The following ARID2 variants were observed in gnomAD, a reference collection of about 807,000 sequenced individuals.
The protein encoded by ARID2 is AT-rich interactive domain-containing protein 2.
Under a neutral mutation model 184.6 loss-of-function variants are expected in ARID2, and 32 were observed. The observed-to-expected ratio is 0.17, with a 90% CI of 0.13 to 0.23. The LOEUF (loss-of-function observed/expected upper bound fraction) is 0.23. ARID2 is among the 10% of genes least tolerant of loss of function. ARID2 has a pLI of 1.00. For missense variants in ARID2, 1,696 were observed against 2,197.6 expected (o/e 0.77, Z 4.56); for synonymous variants, 836 against 772.6 (o/e 1.08, Z -1.36).
In ARID2 at chr12:45,906,017, A is replaced by G. The variant is rs1029405699; in HGVS notation, c.*939A>G. Reference sequence around the variant, plus strand: ...GCTGGCTGAAAGAGTATGGAATAATATATCTCATGTCATTTTTTAGAAGAA... The same window carrying G: ...GCTGGCTGAAAGAGTATGGAATAATGTATCTCATGTCATTTTTTAGAAGAA... On this transcript the variant is annotated 3_prime_UTR_variant, in exon 21 of 21. Transcript: ENST00000334344. 4.0e-5 allele frequency: 9 copies of G among 226,652 alleles called. No individual in the cohort carries two copies. The highest frequency in any genetic ancestry group is 2.1e-4 in the African/African-American group (9 of 43,262). The allele number at this position is 226,652 out of a possible 1,614,324, so 14.0% of individuals were successfully genotyped here.
rs188666955 is a variant in ARID2 at position 45,894,789 on chromosome 12, G to A, written c.5363+1068G>A. Among the ~76,000 whole-genome samples, 5 of 151,156 alleles carry A rather than the reference G, an allele frequency of 3.3e-5. No homozygotes were observed. The East Asian group carries it at 9.7e-4, about 29-fold the overall frequency. Reference sequence around the variant, plus strand: ...CATATGAGAATACCAGTATCTTCATGATTTAGTTCATAACATTTCTTTTTA... The same window carrying A: ...CATATGAGAATACCAGTATCTTCATAATTTAGTTCATAACATTTCTTTTTA... On this transcript the variant is annotated intron_variant, in intron 20 of 20. Coordinates refer to ENST00000334344, the MANE Select transcript of ARID2 (RefSeq NM_152641.4).
At chr12:45,812,119 T>G (rs1346452101) in intron 4 of ARID2, among the ~76,000 whole-genome samples, 1 of 151,910 alleles carries the variant, frequency 6.6e-6, no homozygotes, top group Non-Finnish European at 1.5e-5. Context: ...CAGTTTTCAG[T>G]GGCTCTGGAG....
chr12:45,842,218 A>G (rs948065059), intron 11 of ARID2: 2 of 150,052 alleles, frequency 1.3e-5, no homozygotes, highest in African/African-American at 5.0e-5. Context: ...CAGTAGAGCA[A>G]GAACCTGGTC....
rs1336039491 is a variant in ARID2, at chr12:45,893,513, A to G, written c.5241A>G (p.Gly1747=). ...CTGCACTTATGGCTCTGAGGAGAGG[A>G]TCAAGAAACCTTGTCTTTCGAGATT... ...PSAALMALRR[G]SRNLVFRDFT... is the part of the protein sequence containing the mutation. The change falls in exon 19 of 21, where the codon GGA becomes GGG. Residue 1747 remains glycine (G), a synonymous_variant. Coordinates refer to ENST00000334344, the MANE Select transcript of ARID2 (RefSeq NM_152641.4). 6.8e-6 allele frequency: 11 copies of G among 1,613,882 alleles called. No homozygotes were observed. The highest frequency in any genetic ancestry group is 9.3e-6 in the Non-Finnish European group (11 of 1,179,848).
At chr12:45,845,026 G>T (rs1184619237) in intron 11 of ARID2, among the ~76,000 whole-genome samples, 3 of 152,156 alleles carry the variant, frequency 2.0e-5, no homozygotes, top group Non-Finnish European at 2.9e-5. Context: ...CATTTAGAAT[G>T]TCTTCAGGTA....
chr12:45,758,371 C>G (rs535593793), intron 3 of ARID2, among the ~76,000 whole-genome samples: 6 of 151,352 alleles, frequency 4.0e-5, no homozygotes, highest in African/African-American at 1.5e-4. Flanking sequence ...TTTTTTTGTG[C>G]GATCGATTTT....
intron 3 of ARID2, among the ~76,000 whole-genome samples, chr12:45,765,825 C>T (rs1472254328): frequency 3.9e-5 from 6 of 152,100 alleles, no homozygotes; most frequent in Admixed American, 6.5e-5. Context: ...TCTTTTCTTG[C>T]CCCTTTTTAA....
At chr12:45,770,026 G>A (rs887523592) in intron 3 of ARID2, among the ~76,000 whole-genome samples, 1 of 152,068 alleles carries the variant, frequency 6.6e-6, no homozygotes, top group African/African-American at 2.4e-5. Context: ...AGGCTGAGAC[G>A]GGTAGATCAC....
intron 3 of ARID2, among the ~76,000 whole-genome samples, chr12:45,761,787 A>AT (rs896488950): frequency 3.3e-5 from 5 of 150,908 alleles, no homozygotes; most frequent in Non-Finnish European, 5.9e-5. Flanking sequence ...AAATTCTGTC[A>AT]TTTTTTCAAA....
chr12:45,802,027 G>A (rs555075631), intron 3 of ARID2, among the ~76,000 whole-genome samples: 76 of 152,182 alleles, frequency 5.0e-4, no homozygotes, highest in Admixed American at 4.6e-3. Context: ...TTCTGGCTCA[G>A]TGTAGATATA....
At chr12:45,836,387 T>G (rs947787007) in intron 6 of ARID2, among the ~76,000 whole-genome samples, 2 of 152,052 alleles carry the variant, frequency 1.3e-5, no homozygotes, top group Non-Finnish European at 2.9e-5. Context: ...TGTTTTAAAT[T>G]TTCTAGTTTG....
intron 16 of ARID2, among the ~76,000 whole-genome samples, chr12:45,891,458 G>A (rs772591973): frequency 2.6e-5 from 4 of 152,172 alleles, no homozygotes; most frequent in Non-Finnish European, 5.9e-5. Flanking sequence ...TGAACTGTTG[G>A]ATTGGATATG....
intron 3 of ARID2, among the ~76,000 whole-genome samples, chr12:45,767,579 A>G (rs1381457291): frequency 6.6e-6 from 1 of 152,202 alleles, no homozygotes; most frequent in Non-Finnish European, 1.5e-5. Flanking sequence ...CTGTAATCCC[A>G]GCTCCTTGGG....
rs894042760 is a variant in ARID2 at position 45,880,421 on chromosome 12, A to G, written c.4923-11359A>G. On this transcript the variant is annotated intron_variant, in intron 16 of 20. Transcript: ENST00000334344. Reference sequence around the variant, plus strand: ...TCTACCCAAGTGATGTTGAGGTTCAAATCACCAGGTTCCTACTGAACCTTA... The same window carrying G: ...TCTACCCAAGTGATGTTGAGGTTCAGATCACCAGGTTCCTACTGAACCTTA... 5.3e-5 allele frequency among the ~76,000 whole-genome samples: 8 copies of G among 152,318 alleles called. No individual in the cohort carries two copies. The South Asian group carries it at 1.4e-3, about 28-fold the overall frequency.
intron 2 of ARID2, 145 bp downstream of exon 2, chr12:45,730,282 G>A: frequency 1.6e-6 from 1 of 642,666 alleles, no homozygotes; most frequent in Non-Finnish European, 2.3e-6. Flanking sequence ...TGGCACGGAG[G>A]CGGACGGCGG....
intron 3 of ARID2, among the ~76,000 whole-genome samples, chr12:45,787,913 C>T (rs1175466783): frequency 6.6e-6 from 1 of 152,094 alleles, no homozygotes. Flanking sequence ...TATTTTCACT[C>T]CTTTTGCTTT....
At chr12:45,893,293 T>C in intron 18 of ARID2, 127 bp from the exon 19 acceptor site, 3 of 1,178,090 alleles carry the variant, frequency 2.5e-6, no homozygotes, top group Non-Finnish European at 3.4e-6. Context: ...CCATTGGACC[T>C]TTAGTCACCC....
intron 3 of ARID2, among the ~76,000 whole-genome samples, chr12:45,761,617 G>A (rs1857900699): frequency 6.6e-6 from 1 of 151,866 alleles, no homozygotes; most frequent in Admixed American, 6.6e-5. Context: ...TTTAGGTGAT[G>A]TTGCCCCTGC....
chr12:45,731,372 GT>G, intron 3 of ARID2, 58 bp downstream of exon 3: 1 of 1,323,626 alleles, frequency 7.6e-7, no homozygotes, highest in South Asian at 1.2e-5. Context: ...GGAGAGATTT[GT>G]TTTTAGCAAA....
Sources: gnomAD v4.1 joint callset for allele counts (sites outside exome capture counted in the v4.1 genomes callset) on GRCh38, gnomAD v4.1.1 for gene constraint, MANE v1.5 for transcripts, NCBI Gene and HGNC (gene_info 2026-07-23, HGNC 2026-07-21) for gene names.